RAP1GDS1: variants seen among roughly 807,000 people sequenced by gnomAD.
RAP1GDS1 encodes Rap1 GTPase-GDP dissociation stimulator 1, also known as RAP1, GTP-GDP dissociation stimulator 1.
A neutral mutation model predicts 71.1 loss-of-function variants in RAP1GDS1; 35 were observed. The ratio of observed to expected loss-of-function variants is 0.49; its 90% confidence interval spans 0.38 to 0.65. RAP1GDS1 has a LOEUF of 0.65. RAP1GDS1 is among the 30% of genes least tolerant of loss of function. The probability of loss-of-function intolerance (pLI) is 0.00; values close to 1 mark genes in which losing one functional copy is unlikely to be tolerated. For synonymous variants in RAP1GDS1, 229 were observed against 243.1 expected, an observed-to-expected ratio of 0.94 and a Z score of 0.54; for missense variants, 663 against 706.1, an observed-to-expected ratio of 0.94 and a Z score of 0.69.
In RAP1GDS1 at chr4:98,400,512, G is replaced by T. The variant is rs947834088; in HGVS notation, c.638-3965G>T. Among the ~76,000 whole-genome samples, 6 of 136,734 alleles carry T rather than the reference G, an allele frequency of 4.4e-5. No individual in the cohort carries two copies. In the Admixed American group the frequency reaches 4.4e-4, roughly 10 times the overall value. The allele number at this position is 136,734 out of a possible 152,430, so 89.7% of individuals were successfully genotyped here. A position where few individuals can be genotyped will look rare whatever the true frequency, so the allele number is the denominator to read the frequency against. ...GTTCTCACACATGTGGAAGCTTAAA[G>T]TTGATTTTATAGAAGTAAAAAAAAA... On this transcript the variant is annotated intron_variant, in intron 6 of 14. Coordinates refer to ENST00000408927, the MANE Select transcript of RAP1GDS1 (RefSeq NM_001100427.2).
At chr4:98,389,301 GT>G (rs202009207) in intron 5 of RAP1GDS1, among the ~76,000 whole-genome samples, 11 of 140,488 alleles carry the variant, frequency 7.8e-5, no homozygotes, top group East Asian at 2.0e-4. Context: ...GTAAAAGTGT[GT>G]TTTTTTTTTC....
At chr4:98,283,390 G>T (rs1238063588) in intron 1 of RAP1GDS1, among the ~76,000 whole-genome samples, 1 of 151,986 alleles carries the variant, frequency 6.6e-6, no homozygotes, top group African/African-American at 2.4e-5. Flanking sequence ...CATATTTCTG[G>T]CTTTTATGTG....
chr4:98,280,077 A>T lies in RAP1GDS1; in HGVS notation c.5-13331A>T, dbSNP rs537022404. The stretch of plus-strand genomic sequence containing the variant: ...AGTGCCGCAATAAACATACATGTGC[A>T]TGTGTCTTTATAGTAGCATAATTTA... On this transcript the variant is annotated intron_variant, in intron 1 of 14. Transcript: ENST00000408927. 5.3e-5 allele frequency among the ~76,000 whole-genome samples: 8 copies of T among 152,306 alleles called. 1 individual carries two copies. The South Asian group carries it at 1.7e-3, about 32-fold the overall frequency.
At chr4:98,415,938 ACAGGGT>A (rs1747904104) in intron 7 of RAP1GDS1, among the ~76,000 whole-genome samples, 1 of 152,204 alleles carries the variant, frequency 6.6e-6, no homozygotes, top group Non-Finnish European at 1.5e-5. Context: ...ATTTTTATAG[ACAGGGT>A]CTCACTCTGT....
At chr4:98,410,771 T>C (rs570503357) in intron 7 of RAP1GDS1, among the ~76,000 whole-genome samples, 2 of 149,666 alleles carry the variant, frequency 1.3e-5, no homozygotes, top group South Asian at 2.1e-4. Context: ...ATTCAATTTA[T>C]ATAAAGTTAA....
At chr4:98,348,964 T>C (rs1218547523) in intron 3 of RAP1GDS1, among the ~76,000 whole-genome samples, 2 of 151,434 alleles carry the variant, frequency 1.3e-5, no homozygotes, top group African/African-American at 4.8e-5. Context: ...AGAAGCTCTT[T>C]AGTTTAATTA....
intron 4 of RAP1GDS1, among the ~76,000 whole-genome samples, chr4:98,355,758 A>G (rs929169667): frequency 2.0e-5 from 3 of 152,206 alleles, no homozygotes; most frequent in Admixed American, 6.5e-5. Flanking sequence ...CAGCCTTGAC[A>G]GTGCCCATTT....
intron 2 of RAP1GDS1, among the ~76,000 whole-genome samples, chr4:98,323,340 G>A (rs1732314168): frequency 1.4e-5 from 2 of 142,556 alleles, no homozygotes; most frequent in Non-Finnish European, 1.5e-5. Flanking sequence ...TTCTACCAGA[G>A]GTACAAGGAG....
At chr4:98,366,047 TCTCA>T (rs1739443598) in intron 4 of RAP1GDS1, among the ~76,000 whole-genome samples, 1 of 152,196 alleles carries the variant, frequency 6.6e-6, no homozygotes, top group Admixed American at 6.5e-5. Context: ...GTTCTCTTTC[TCTCA>T]CTCTCTTTTC....
chr4:98,300,181 A>G (rs578054961), intron 2 of RAP1GDS1, among the ~76,000 whole-genome samples: 1 of 152,270 alleles, frequency 6.6e-6, no homozygotes, highest in Admixed American at 6.5e-5. Flanking sequence ...ATAGCCACCT[A>G]ACCTTCAGCA....
chr4:98,408,818 C>G (rs1458570599), intron 7 of RAP1GDS1, among the ~76,000 whole-genome samples: 1 of 152,046 alleles, frequency 6.6e-6, no homozygotes. Flanking sequence ...TTAAAAAAAG[C>G]TTTTCATAAA....
chr4:98,340,581 C>G (rs1735353298), intron 2 of RAP1GDS1, among the ~76,000 whole-genome samples: 1 of 151,894 alleles, frequency 6.6e-6, no homozygotes, highest in African/African-American at 2.4e-5. Context: ...AACCCCATCT[C>G]TACTAAAAAA....
intron 7 of RAP1GDS1, among the ~76,000 whole-genome samples, chr4:98,406,286 TAACTA>T (rs1397213005): frequency 6.6e-6 from 1 of 151,960 alleles, no homozygotes; most frequent in Non-Finnish European, 1.5e-5. Context: ...TTAAAATAAA[TAACTA>T]TACTACTTAA....
intron 2 of RAP1GDS1, among the ~76,000 whole-genome samples, chr4:98,294,116 TTTTA>T (rs2076152327): frequency 2.0e-5 from 3 of 152,196 alleles, no homozygotes; most frequent in Admixed American, 2.0e-4. Context: ...TTGTGTTGCA[TTTTA>T]TTTATCCTAT....
rs543199019 is a variant in RAP1GDS1 at position 98,443,015 on chromosome 4, A to ATTTTTTTTTCTTTTTTTTTTTTTTT, written c.*907_*908insCTTTTTTTTTTTTTTTTTTTTTTTT. On this transcript the variant is annotated 3_prime_UTR_variant, in exon 15 of 15. Transcript: ENST00000408927. The stretch of plus-strand genomic sequence containing the variant: ...TGAGTATAGTTCATTGAAGAATGGA[A>ATTTTTTTTTCTTTTTTTTTTTTTTT]TTTTTTTTTTTTTTTTTTTTTTTGC... The ATTTTTTTTTCTTTTTTTTTTTTTTT allele has an allele frequency of 1.7e-3, 240 of 138,276 alleles. 4 individuals are homozygous for ATTTTTTTTTCTTTTTTTTTTTTTTT. Among genetic ancestry groups the ATTTTTTTTTCTTTTTTTTTTTTTTT allele is most frequent in the Admixed American group, 2.7e-3 (28 of 10,408 alleles). The allele number at this position is 138,276 out of a possible 1,614,324, so 8.6% of individuals were successfully genotyped here. A position where few individuals can be genotyped will look rare whatever the true frequency, so the allele number is the denominator to read the frequency against.
At chr4:98,375,970 G>A (rs1307565994) in intron 4 of RAP1GDS1, among the ~76,000 whole-genome samples, 1 of 151,150 alleles carries the variant, frequency 6.6e-6, no homozygotes, top group Admixed American at 6.6e-5. Context: ...TTTCTCATTT[G>A]TGAGACATGA....
intron 12 of RAP1GDS1, among the ~76,000 whole-genome samples, chr4:98,430,516 A>G (rs1561009506): frequency 6.6e-6 from 1 of 152,226 alleles, no homozygotes; most frequent in African/African-American, 2.4e-5. Flanking sequence ...TTCTACAAAG[A>G]AAGAGTTGCA....
chr4:98,268,288 TCAA>T (rs1183766710), intron 1 of RAP1GDS1, among the ~76,000 whole-genome samples: 1 of 152,114 alleles, frequency 6.6e-6, no homozygotes, highest in African/African-American at 2.4e-5. Flanking sequence ...TTTAAAACTC[TCAA>T]CAAATTTGGT....
intron 4 of RAP1GDS1, among the ~76,000 whole-genome samples, chr4:98,356,686 A>T (rs1468855948): frequency 6.6e-6 from 1 of 152,090 alleles, no homozygotes; most frequent in African/African-American, 2.4e-5. Context: ...CTTATTATAT[A>T]ACTGGTACTA....
Sources: allele counts gnomAD v4.1 joint callset (sites outside exome capture counted in the v4.1 genomes callset), GRCh38; gene constraint gnomAD v4.1.1; transcripts MANE v1.5; gene names NCBI Gene and HGNC (gene_info 2026-07-23, HGNC 2026-07-21).